Variants in PCDHGB1 observed in about 807,000 individuals in gnomAD.
PCDHGB1 encodes the protein protocadherin gamma-B1.
Under a neutral mutation model 56.6 loss-of-function variants are expected in PCDHGB1, and 34 were observed. The observed-to-expected ratio is 0.60, with a 90% CI of 0.46 to 0.80. The LOEUF (loss-of-function observed/expected upper bound fraction) is 0.80. Among genes scored for constraint, PCDHGB1 ranks in the 30% least tolerant of loss-of-function variants. PCDHGB1 has a pLI of 0.00. For synonymous variants in PCDHGB1, 561 were observed against 505.9 expected (o/e 1.11, Z -1.46); for missense variants, 1,278 against 1,204.6 (o/e 1.06, Z -0.90).
At chr5:141,438,334 A>G (rs756299924) in intron 1 of PCDHGB1, among the ~76,000 whole-genome samples, 6 of 151,946 alleles carry the variant, frequency 3.9e-5, no homozygotes, top group Non-Finnish European at 7.4e-5. Context: ...TATACATGTC[A>G]TATAAGGATC....
At chr5:141,408,797 C>T (rs965305130) in intron 1 of PCDHGB1, 1 of 1,612,958 alleles carries the variant, frequency 6.2e-7, no homozygotes, top group African/African-American at 1.3e-5. Flanking sequence ...TCTGGAGAAA[C>T]TCCTAGACCG....
chr5:141,457,335 A>G (rs2098917073), intron 1 of PCDHGB1, among the ~76,000 whole-genome samples: 1 of 152,172 alleles, frequency 6.6e-6, no homozygotes, highest in Admixed American at 6.5e-5. Flanking sequence ...CAGGTACCTT[A>G]CTTACTTTCA....
chr5:141,404,350 C>T (rs757103755), intron 1 of PCDHGB1: 1 of 1,613,894 alleles, frequency 6.2e-7, no homozygotes, highest in Non-Finnish European at 8.5e-7. Flanking sequence ...AAAACAACGC[C>T]AGAGGTACTT....
chr5:141,476,756 C>T lies in PCDHGB1; in HGVS notation c.2410-18051C>T. On this transcript the variant is annotated intron_variant, in intron 1 of 3. Transcript: ENST00000523390. The surrounding 1 kb of genome is among the most constrained non-coding windows in gnomAD (Gnocchi z 7.6). ...ACGGGAGCCTAGTCTCCAGTTAGTGCTGACGGCGTTGGACGGAGGGACCCC... is the reference window on the plus strand; with the variant it reads ...ACGGGAGCCTAGTCTCCAGTTAGTGTTGACGGCGTTGGACGGAGGGACCCC... 3 of 1,613,928 alleles carry T rather than the reference C, an allele frequency of 1.9e-6. No homozygotes were observed. Among genetic ancestry groups the T allele is most frequent in the Non-Finnish European group, 2.5e-6 (3 of 1,180,010 alleles).
In PCDHGB1 at chr5:141,399,219, G is replaced by A. The variant is rs775267424; in HGVS notation, c.2409+46550G>A. The A allele has an allele frequency of 2.5e-6, 4 of 1,613,924 alleles. No homozygotes were observed. The South Asian group carries it at 3.3e-5, about 13-fold the overall frequency. On this transcript the variant is annotated intron_variant, in intron 1 of 3. Coordinates refer to ENST00000523390, the MANE Select transcript of PCDHGB1 (RefSeq NM_018922.3). Reference sequence around the variant, plus strand: ...CGGTGCCTGGAACACTAATTGCTTTGATCAAAATACATGACCAAGATTCTG... The same window carrying A: ...CGGTGCCTGGAACACTAATTGCTTTAATCAAAATACATGACCAAGATTCTG...
chr5:141,466,819 C>A (rs2099130454), intron 1 of PCDHGB1, among the ~76,000 whole-genome samples: 1 of 152,068 alleles, frequency 6.6e-6, no homozygotes, highest in Non-Finnish European at 1.5e-5. Context: ...CATGGTATAA[C>A]AAGTTAGTAT....
intron 1 of PCDHGB1, chr5:141,382,741 C>G: frequency 3.4e-6 from 2 of 582,496 alleles, no homozygotes; most frequent in East Asian, 2.8e-5. Context: ...AGAGAAACGA[C>G]AGATTGCGAT....
At chr5:141,398,621 ACT>A in intron 1 of PCDHGB1, 3 of 1,613,968 alleles carry the variant, frequency 1.9e-6, no homozygotes, top group Non-Finnish European at 2.5e-6. Flanking sequence ...ATTGGCTTAA[ACT>A]CTCTGCAGAA....
Position 141,510,956 on chromosome 5 carries a change from A to T in PCDHGB1, c.2567A>T (p.Asp856Val). 1 of 1,614,104 alleles carries T rather than the reference A, an allele frequency of 6.2e-7. No homozygotes were observed. The highest frequency in any genetic ancestry group is 8.5e-7 in the Non-Finnish European group (1 of 1,179,996). The change falls in exon 4 of 4, where the codon GAT becomes GTT. Residue 856 changes from aspartate to valine, a missense_variant. Asp to Val is a radical substitution (Grantham distance 152). Transcript: ENST00000523390. ...MILASASEAA[D>V]GSSTLGGGAG... ...TCCTCTGTCTCTGCAGAAGCTGCTG[A>T]TGGGAGCTCCACCCTGGGAGGGGGT...
At position 141,476,786 on chromosome 5, in the gene PCDHGB1, C is replaced by G. The variant is rs2099398607; in HGVS notation, c.2410-18021C>G. 3.1e-6 allele frequency: 5 copies of G among 1,613,444 alleles called. No individual in the cohort carries two copies. The highest frequency in any genetic ancestry group is 1.7e-5 in the Admixed American group (1 of 60,000). ...GGCGTTGGACGGAGGGACCCCAGCTCTCTCCGCCAGCCTGCCTATTCACAT... is the reference window on the plus strand; with the variant it reads ...GGCGTTGGACGGAGGGACCCCAGCTGTCTCCGCCAGCCTGCCTATTCACAT... On this transcript the variant is annotated intron_variant, in intron 1 of 3. Coordinates refer to ENST00000523390, the MANE Select transcript of PCDHGB1 (RefSeq NM_018922.3). The surrounding 1 kb of genome is among the most constrained non-coding windows in gnomAD (Gnocchi z 7.6).
chr5:141,500,520 T>A (rs2099801106), intron 2 of PCDHGB1, among the ~76,000 whole-genome samples: 1 of 152,194 alleles, frequency 6.6e-6, no homozygotes, highest in South Asian at 2.1e-4. Context: ...AGCTTCATTT[T>A]AAAAAAATCT....
chr5:141,427,638 C>A, intron 1 of PCDHGB1: 1 of 708,528 alleles, frequency 1.4e-6, no homozygotes, highest in East Asian at 2.7e-5. Context: ...GGTTTTCCAC[C>A]AAGTCTCCTA....
rs2099619316 is a variant in PCDHGB1, at chr5:141,485,794, C to A, written c.2410-9013C>A. The A allele has an allele frequency of 6.2e-7, 1 of 1,614,120 alleles. No homozygotes were observed. The highest frequency in any genetic ancestry group is 1.1e-5 in the South Asian group (1 of 91,092). On this transcript the variant is annotated intron_variant, in intron 1 of 3. Transcript: ENST00000523390. This position sits in a 1 kb window ranked among gnomAD's most constrained non-coding sequence, Gnocchi z 5.7. ...CTTTGGATCGAGAGAAGCAATCGGA[C>A]TACCGCCTGGTGCTGACTGCTGTCG...
intron 1 of PCDHGB1, among the ~76,000 whole-genome samples, chr5:141,443,486 A>AAAAC (rs1345310906): frequency 6.6e-6 from 1 of 152,166 alleles, no homozygotes; most frequent in Non-Finnish European, 1.5e-5. Flanking sequence ...ACCCTGTCCC[A>AAAAC]AAACAAACAA....
intron 1 of PCDHGB1, chr5:141,419,661 A>G (rs1363084793): frequency 2.5e-6 from 4 of 1,612,714 alleles, no homozygotes; most frequent in East Asian, 2.2e-5. Flanking sequence ...TCGGGGCACA[A>G]TGCCTGGCTG....
rs1424346887 is a variant in PCDHGB1, at chr5:141,489,602, T to C, written c.2410-5205T>C. ...CCCCTGGAGCTAATCCGTGTAGAGG[T>C]AGAGATCCTGGATCTCAATGACAAC... On this transcript the variant is annotated intron_variant, in intron 1 of 3. Coordinates refer to ENST00000523390, the MANE Select transcript of PCDHGB1 (RefSeq NM_018922.3). The surrounding 1 kb of genome is among the most constrained non-coding windows in gnomAD (Gnocchi z 4.5). The C allele has an allele frequency of 5.6e-6, 9 of 1,613,754 alleles. No homozygotes were observed. In the African/African-American group the frequency reaches 6.7e-5, roughly 12 times the overall value.
Position 141,487,500 on chromosome 5 carries a change from C to G in PCDHGB1, c.2410-7307C>G. 6.2e-7 allele frequency: 1 copy of G among 1,614,178 alleles called. No individual in the cohort carries two copies. Among genetic ancestry groups the G allele is most frequent in the East Asian group, 2.2e-5 (1 of 44,862 alleles). Reference sequence around the variant, plus strand: ...CACTCTCATGGCTGTACACCCTTGGCTTCTGCACCCACTCGGAGTGATAGC... The same window carrying G: ...CACTCTCATGGCTGTACACCCTTGGGTTCTGCACCCACTCGGAGTGATAGC... On this transcript the variant is annotated intron_variant, in intron 1 of 3. Coordinates refer to ENST00000523390, the MANE Select transcript of PCDHGB1 (RefSeq NM_018922.3). The surrounding 1 kb of genome is among the most constrained non-coding windows in gnomAD (Gnocchi z 5.0).
In PCDHGB1 at chr5:141,422,240, T is replaced by C. The variant is rs1472994337; in HGVS notation, c.2409+69571T>C. ...ACCACCACGACGATGTTGATCACTG[T>C]TGTGGATGTGAATGATAACGCTCCA... On this transcript the variant is annotated intron_variant, in intron 1 of 3. Coordinates refer to ENST00000523390, the MANE Select transcript of PCDHGB1 (RefSeq NM_018922.3). 1.3e-6 allele frequency: 2 copies of C among 1,566,716 alleles called. No individual in the cohort carries two copies. The highest frequency in any genetic ancestry group is 1.2e-5 in the South Asian group (1 of 81,384).
intron 1 of PCDHGB1, chr5:141,394,779 G>A (rs1561651112): frequency 6.2e-7 from 1 of 1,613,590 alleles, no homozygotes; most frequent in Admixed American, 1.7e-5. Context: ...CCCTCTCTCC[G>A]CCACTGTCAC....
Sources: allele counts gnomAD v4.1 joint callset (sites outside exome capture counted in the v4.1 genomes callset), GRCh38; gene constraint gnomAD v4.1.1; non-coding constraint Gnocchi (gnomAD v3.1); transcripts MANE v1.5; gene names NCBI Gene and HGNC (gene_info 2026-07-23, HGNC 2026-07-21).